The following LYPD1 variants were observed in gnomAD, a reference collection of about 807,000 sequenced individuals.
The protein encoded by LYPD1 is LY6/PLAUR domain containing 1.
Under a neutral mutation model 14.2 loss-of-function variants are expected in LYPD1, and 14 were observed. That is an observed-to-expected ratio of 0.99 (90% CI 0.65 to 1.54). The LOEUF is 1.54. Ranked by LOEUF, LYPD1 falls within the 40% of genes most tolerant of loss-of-function variation. LYPD1 has a pLI of 0.00. For missense variants in LYPD1, 165 were observed against 175.7 expected (o/e 0.94, Z 0.34); for synonymous variants, 85 against 70.6 (o/e 1.20, Z -1.02).
intron 2 of LYPD1, among the ~76,000 whole-genome samples, chr2:132,657,997 T>TC: frequency 6.6e-6 from 1 of 152,268 alleles, no homozygotes; most frequent in South Asian, 2.1e-4. Context: ...GAGACAGTGA[T>TC]CTGACCCATG....
chr2:132,662,252 A>G (rs1682992666), intron 2 of LYPD1, among the ~76,000 whole-genome samples: 1 of 152,224 alleles, frequency 6.6e-6, no homozygotes, highest in African/African-American at 2.4e-5. Context: ...ACAGGTTTCC[A>G]TGTCTAGCAC....
rs7586082 is a variant in LYPD1, at chr2:132,645,813, C to G, written c.*232G>C. On this transcript the variant is annotated 3_prime_UTR_variant, in exon 3 of 3. Transcript: ENST00000397463. ...CCGGTTACACAGACATGGGGGTGAA[C>G]TTTCACTCCACCTCCTTCCTTCAAG... 6,934 of 715,560 alleles carry G rather than the reference C, an allele frequency of 9.7e-3. 247 individuals carry two copies. Among genetic ancestry groups the G allele is most frequent in the African/African-American group, 0.087 (4,902 of 56,160 alleles). 44.3% of individuals were successfully genotyped at this position (715,560 alleles called of 1,614,324 possible).
chr2:132,647,169 A>AC (rs767944969), intron 2 of LYPD1, among the ~76,000 whole-genome samples: 55 of 152,232 alleles, frequency 3.6e-4, no homozygotes, highest in Non-Finnish European at 7.2e-4. Context: ...CTTCTTCACT[A>AC]CCCCAAGCAA....
At chr2:132,668,759 A>T (rs1683442110) in intron 1 of LYPD1, among the ~76,000 whole-genome samples, 1 of 151,978 alleles carries the variant, frequency 6.6e-6, no homozygotes, top group South Asian at 2.1e-4. Flanking sequence ...CCACCCCTGG[A>T]CCCCGGCTCT....
intron 2 of LYPD1, among the ~76,000 whole-genome samples, chr2:132,667,824 A>T (rs1429374153): frequency 6.6e-6 from 1 of 152,154 alleles, no homozygotes; most frequent in African/African-American, 2.4e-5. Context: ...GATGCTCAGG[A>T]CTTCTTCTCA....
intron 2 of LYPD1, 106 bp from the exon 3 acceptor site, chr2:132,646,386 GC>G: frequency 1.5e-6 from 1 of 655,144 alleles, no homozygotes; most frequent in Non-Finnish European, 2.3e-6. Flanking sequence ...TCCTCCCACA[GC>G]CCAGAGACTA....
intron 2 of LYPD1, among the ~76,000 whole-genome samples, chr2:132,649,278 G>A (rs950868997): frequency 5.3e-5 from 8 of 152,170 alleles, no homozygotes; most frequent in African/African-American, 1.9e-4. Context: ...GAAAATCCAC[G>A]TGGTGGAGAT....
At chr2:132,647,521 T>C (rs930540771) in intron 2 of LYPD1, among the ~76,000 whole-genome samples, 5 of 152,308 alleles carry the variant, frequency 3.3e-5, no homozygotes, top group Middle Eastern at 3.4e-3. Flanking sequence ...TTAGTAGAGA[T>C]GGGGTTTCAC....
Position 132,650,940 on chromosome 2 carries a change from C to T in LYPD1, c.191-4660G>A, listed in dbSNP as rs1395327891. Among the ~76,000 whole-genome samples, 4 of 152,094 alleles carry T rather than the reference C, an allele frequency of 2.6e-5. 1 individual carries two copies. Among genetic ancestry groups the T allele is most frequent in the African/African-American group, 9.7e-5 (4 of 41,408 alleles). On this transcript the variant is annotated intron_variant, in intron 2 of 2. Coordinates refer to ENST00000397463, the MANE Select transcript of LYPD1 (RefSeq NM_144586.7). ...ATGTTGTGGAGCTGGGATTTAAGCC[C>T]AGGAGATCTGGATTTATAATCTGTA...
chr2:132,668,486 T>G lies in LYPD1; in HGVS notation c.104A>C (p.Asn35Thr). Residue 35 changes from asparagine (N) to threonine (T), a missense_variant, in exon 2 of 3, where the codon AAC (asparagine) becomes ACC (threonine). Physicochemically the swap from Asn to Thr is moderately conservative, Grantham distance 65. Transcript: ENST00000397463. ...AATGAACTCGGGGGAGGAGCAGTCG[T>G]TGTTCAGCTGGAATTCTTCACACTG... ...CYQCEEFQLNNDCSSPEFIVN... is the reference protein window; with the variant it reads ...CYQCEEFQLNTDCSSPEFIVN... 6.2e-7 allele frequency: 1 copy of G among 1,612,172 alleles called. No homozygotes were observed. The highest frequency in any genetic ancestry group is 8.5e-7 in the Non-Finnish European group (1 of 1,179,132).
rs1334133167 is a variant in LYPD1, at chr2:132,644,133, A to C, written c.*1912T>G. On this transcript the variant is annotated 3_prime_UTR_variant, in exon 3 of 3. Coordinates refer to ENST00000397463, the MANE Select transcript of LYPD1 (RefSeq NM_144586.7). ...GTCACTGTAACTAAACTCTCATGAT[A>C]CCTGTGATTTCAGTTGTTTGTGGTC... Among the ~76,000 whole-genome samples the C allele has an allele frequency of 6.6e-6, 1 of 152,174 alleles. No homozygotes were observed. The highest frequency in any genetic ancestry group is 1.5e-5 in the Non-Finnish European group (1 of 68,042).
At chr2:132,648,329 T>C (rs936029602) in intron 2 of LYPD1, among the ~76,000 whole-genome samples, 2 of 152,252 alleles carry the variant, frequency 1.3e-5, no homozygotes, top group African/African-American at 4.8e-5. Flanking sequence ...AAGGTGAAAA[T>C]GGACCTTGAG....
chr2:132,651,836 A>G (rs1285697449), intron 2 of LYPD1, among the ~76,000 whole-genome samples: 1 of 152,222 alleles, frequency 6.6e-6, no homozygotes, highest in Admixed American at 6.5e-5. Flanking sequence ...TCTAAGTCAT[A>G]TCATGGCAAG....
In LYPD1 at chr2:132,644,587, G is replaced by A. The variant is rs1233518803; in HGVS notation, c.*1458C>T. 6.6e-6 allele frequency among the ~76,000 whole-genome samples: 1 copy of A among 152,214 alleles called. No individual in the cohort carries two copies. Among genetic ancestry groups the A allele is most frequent in the Non-Finnish European group, 1.5e-5 (1 of 68,038 alleles). On this transcript the variant is annotated 3_prime_UTR_variant, in exon 3 of 3. Transcript: ENST00000397463. ...TCCCCTGAAACTGAATGCAAAACCA[G>A]TGTCATTAAATATGCTGCTTTGTTG... is the stretch of plus-strand genomic sequence containing the variant.
intron 2 of LYPD1, among the ~76,000 whole-genome samples, chr2:132,655,806 A>G (rs970780312): frequency 6.6e-6 from 1 of 152,062 alleles, no homozygotes; most frequent in Non-Finnish European, 1.5e-5. Context: ...GAGCCACCGC[A>G]CCTGGCCAAG....
chr2:132,646,547 T>C (rs1682092781), intron 2 of LYPD1: 1 of 350,530 alleles, frequency 2.9e-6, no homozygotes, highest in East Asian at 4.3e-5. Context: ...TAAAGAGCTG[T>C]TAAATAGACT....
At chr2:132,649,876 G>A (rs1573727256) in intron 2 of LYPD1, among the ~76,000 whole-genome samples, 1 of 151,338 alleles carries the variant, frequency 6.6e-6, no homozygotes, top group Non-Finnish European at 1.5e-5. Context: ...TGGAACCTTG[G>A]GAGATTTTTT....
rs756685520 is a variant in LYPD1 at position 132,670,026 on chromosome 2, G to A, written c.-94C>T. On this transcript the variant is annotated 5_prime_UTR_variant, in exon 1 of 3. Coordinates refer to ENST00000397463, the MANE Select transcript of LYPD1 (RefSeq NM_144586.7). The surrounding 1 kb of genome is among the most constrained non-coding windows in gnomAD (Gnocchi z 4.5). ...CGGCTGCAGCGGCTGTGGCTGCCGA[G>A]GCTGCTGGGGCCCGCGCTGCTGCCG... 1.3e-6 allele frequency: 2 copies of A among 1,563,226 alleles called. No individual in the cohort carries two copies. Among genetic ancestry groups the A allele is most frequent in the Admixed American group, 1.9e-5 (1 of 53,902 alleles).
chr2:132,647,114 C>CCTGT (rs371976994), intron 2 of LYPD1, among the ~76,000 whole-genome samples: 4 of 152,212 alleles, frequency 2.6e-5, no homozygotes, highest in African/African-American at 9.6e-5. Flanking sequence ...TAAGGGCTTC[C>CCTGT]CTGTCTGTCT....
Sources: gnomAD v4.1 joint callset for allele counts (sites outside exome capture counted in the v4.1 genomes callset) on GRCh38, gnomAD v4.1.1 for gene constraint, Gnocchi (gnomAD v3.1) non-coding constraint, MANE v1.5 for transcripts, NCBI Gene and HGNC (gene_info 2026-07-23, HGNC 2026-07-21) for gene names.